Variants in MPRIP observed in about 807,000 individuals in gnomAD.
MPRIP encodes myosin phosphatase Rho interacting protein.
MPRIP carries 59 observed loss-of-function variants against 234.9 expected under a neutral mutation model. The ratio of observed to expected loss-of-function variants is 0.25; its 90% CI spans 0.20 to 0.31. The LOEUF (loss-of-function observed/expected upper bound fraction) is 0.31. Among genes scored for constraint, MPRIP ranks in the 10% least tolerant of loss-of-function variants. MPRIP has a pLI of 1.00. For synonymous variants in MPRIP, 1,144 were observed against 1,263.9 expected (o/e 0.91, Z 2.01); for missense variants, 2,436 against 3,071.0 (o/e 0.79, Z 4.89).
Position 17,190,020 on chromosome 17 carries a change from C to G in MPRIP, c.*5126C>G, listed in dbSNP as rs1039472410. The G allele has an allele frequency of 1.3e-5, 2 of 152,216 alleles. No individual in the cohort carries two copies. The highest frequency in any genetic ancestry group is 4.8e-5 in the African/African-American group (2 of 41,452). 9.4% of individuals were successfully genotyped at this position (152,216 alleles called of 1,614,324 possible). A position where few individuals can be genotyped will look rare whatever the true frequency, so the allele number is the denominator to read the frequency against. On this transcript the variant is annotated 3_prime_UTR_variant, in exon 24 of 24. Coordinates refer to ENST00000651222, the MANE Select transcript of MPRIP (RefSeq NM_001364716.4). ...GCACCTTTCACCTTCCTGGGCTTTC[C>G]TGCCCTCCAGCATTCTTCTCTAGAG...
rs368908966 is a variant in MPRIP, at chr17:17,135,823, T to G, written c.505-396T>G. On this transcript the variant is annotated intron_variant, in intron 5 of 23. Transcript: ENST00000651222. Reference sequence around the variant, plus strand: ...ATTTAATTTGCATCTGACGACTCTTTCCTTCACATAGCGTCTGGGCACTCC... The same window carrying G: ...ATTTAATTTGCATCTGACGACTCTTGCCTTCACATAGCGTCTGGGCACTCC... Among the ~76,000 whole-genome samples, 35 of 152,356 alleles carry G rather than the reference T, an allele frequency of 2.3e-4. No homozygotes were observed. The East Asian group carries it at 6.7e-3, about 29-fold the overall frequency.
chr17:17,083,785 C>A (rs146364798), intron 3 of MPRIP, among the ~76,000 whole-genome samples: 4,083 of 152,174 alleles, frequency 0.027, 108 homozygotes, highest in East Asian at 0.12. Context: ...CACTCTGTCG[C>A]CAGGCTGGAG....
chr17:17,184,833 A>G lies in MPRIP; in HGVS notation c.7217A>G (p.Glu2406Gly), dbSNP rs755597205. Residue 2406 changes from glutamate to glycine, a missense_variant, in exon 24 of 24, where the codon GAA becomes GGA. Glu to Gly is a moderately conservative substitution (Grantham distance 98). Coordinates refer to ENST00000651222, the MANE Select transcript of MPRIP (RefSeq NM_001364716.4). Reference protein sequence around the residue: ...LRNIRSKSLKEGLTVQERLKL... With the variant: ...LRNIRSKSLKGGLTVQERLKL... The stretch of plus-strand genomic sequence containing the variant: ...TCTGTCTCTACCCAGAGTCTGAAGG[A>G]AGGCCTGACGGTGCAAGAACGGTTG... 1.2e-6 allele frequency: 2 copies of G among 1,612,530 alleles called. No individual in the cohort carries two copies. Among genetic ancestry groups the G allele is most frequent in the South Asian group, 1.1e-5 (1 of 91,040 alleles).
chr17:17,072,903 T>C (rs567781620), intron 1 of MPRIP, among the ~76,000 whole-genome samples: 17 of 152,170 alleles, frequency 1.1e-4, no homozygotes, highest in Admixed American at 3.3e-4. Context: ...TATGGGGTCC[T>C]TACCTTCAGG....
intron 7 of MPRIP, among the ~76,000 whole-genome samples, chr17:17,140,694 G>A (rs531838495): frequency 1.3e-5 from 2 of 152,302 alleles, no homozygotes; most frequent in East Asian, 1.9e-4. Flanking sequence ...GAACCTGACC[G>A]GTTCTGGGCT....
rs770959759 is a variant in MPRIP at position 17,166,645 on chromosome 17, G to T, written c.5054G>T (p.Arg1685Leu). The change falls in exon 16 of 24, where the codon CGC (arginine) becomes CTC (leucine). Residue 1685 changes from arginine to leucine, a missense_variant. Transcript: ENST00000651222. This position sits in a 1 kb window ranked among gnomAD's most constrained non-coding sequence, Gnocchi z 4.4. ...CAGTCAGTGAGGGAGTCGTTCCACC[G>T]CAGGCTACAGAGCATCCAGGAGACC... ...ATQSVRESFH[R>L]RLQSIQETLR... The T allele has an allele frequency of 1.5e-6, 2 of 1,304,068 alleles. No homozygotes were observed. Among genetic ancestry groups the T allele is most frequent in the Non-Finnish European group, 2.0e-6 (2 of 988,942 alleles). 80.8% of individuals were successfully genotyped at this position (1,304,068 alleles called of 1,614,324 possible). A position where few individuals can be genotyped will look rare whatever the true frequency, so the allele number is the denominator to read the frequency against.
chr17:17,133,206 G>A (rs1436944960), intron 5 of MPRIP, among the ~76,000 whole-genome samples: 1 of 152,220 alleles, frequency 6.6e-6, no homozygotes, highest in Admixed American at 6.5e-5. Context: ...AGAGTCTGGA[G>A]CACAGGGTTC....
intron 5 of MPRIP, among the ~76,000 whole-genome samples, chr17:17,132,015 G>A (rs930439952): frequency 5.8e-4 from 89 of 152,326 alleles, no homozygotes; most frequent in Non-Finnish European, 4.6e-4. Context: ...AGCACGGGCA[G>A]CCTGCAGCCA....
At chr17:17,132,034 A>C (rs1457395978) in intron 5 of MPRIP, among the ~76,000 whole-genome samples, 3 of 152,176 alleles carry the variant, frequency 2.0e-5, no homozygotes, top group Non-Finnish European at 4.4e-5. Flanking sequence ...CACAGTCAAA[A>C]GGACTCTGCA....
At chr17:17,115,461 A>G (rs1398105601) in intron 3 of MPRIP, among the ~76,000 whole-genome samples, 1 of 152,170 alleles carries the variant, frequency 6.6e-6, no homozygotes, top group Non-Finnish European at 1.5e-5. Flanking sequence ...CTTTCTCGTG[A>G]TGGAGCCATG....
chr17:17,043,094 T>TGGGGAC (rs1240871302), intron 1 of MPRIP, 123 bp downstream of exon 1: 11 of 935,422 alleles, frequency 1.2e-5, no homozygotes, highest in African/African-American at 3.4e-5. Flanking sequence ...TCCTGGGGCA[T>TGGGGAC]GGGGACGGGG....
At chr17:17,156,340 G>A (rs1219301480) in intron 13 of MPRIP, among the ~76,000 whole-genome samples, 1 of 152,218 alleles carries the variant, frequency 6.6e-6, no homozygotes, top group East Asian at 1.9e-4. Flanking sequence ...CTGGCAGTTG[G>A]CCTCCTGACT....
At chr17:17,140,728 TC>T (rs1432875508) in intron 7 of MPRIP, among the ~76,000 whole-genome samples, 1 of 152,184 alleles carries the variant, frequency 6.6e-6, no homozygotes, top group Non-Finnish European at 1.5e-5. Context: ...TCCTCAGACT[TC>T]CAGAGTGTTT....
chr17:17,161,999 G>A (rs990465400), intron 15 of MPRIP, among the ~76,000 whole-genome samples: 9 of 152,236 alleles, frequency 5.9e-5, no homozygotes, highest in African/African-American at 1.4e-4. Context: ...TTCCTGCAGC[G>A]TGCCAGGCCT....
intron 22 of MPRIP, chr17:17,178,574 T>A (rs1356640676): frequency 6.6e-6 from 1 of 151,992 alleles, no homozygotes; most frequent in Non-Finnish European, 1.5e-5. Context: ...GATCACCAGG[T>A]TGCCTAAGGA....
chr17:17,143,534 C>T, intron 8 of MPRIP, 22 bp from the exon 9 acceptor site: 1 of 1,537,536 alleles, frequency 6.5e-7, no homozygotes, highest in Non-Finnish European at 8.9e-7. Flanking sequence ...CTGCACTGAC[C>T]AGCGGCTGCT....
intron 3 of MPRIP, among the ~76,000 whole-genome samples, chr17:17,111,162 A>C (rs376201429): frequency 0.042 from 6,123 of 146,244 alleles, 453 homozygotes; most frequent in African/African-American, 0.14. Context: ...AAAAACCAAA[A>C]AAAAAAGAAA....
At chr17:17,176,616 AT>A in intron 21 of MPRIP, 104 bp downstream of exon 21, 2 of 880,308 alleles carry the variant, frequency 2.3e-6, no homozygotes, top group Non-Finnish European at 3.7e-6. Flanking sequence ...TCTGAAGCAG[AT>A]TTTACTCTTG....
Position 17,165,583 on chromosome 17 carries a change from G to A in MPRIP, c.3992G>A (p.Arg1331Lys), listed in dbSNP as rs1411769876. 1 of 1,304,814 alleles carries A rather than the reference G, an allele frequency of 7.7e-7. No homozygotes were observed. Among genetic ancestry groups the A allele is most frequent in the African/African-American group, 1.5e-5 (1 of 66,000 alleles). 80.8% of individuals were successfully genotyped at this position (1,304,814 alleles called of 1,614,324 possible). Residue 1331 changes from arginine to lysine, a missense_variant, in exon 16 of 24, where the codon AGA (arginine) becomes AAA (lysine). Physicochemically the swap from Arg to Lys is conservative, Grantham distance 26. Around this residue, in one of 4 missense-constraint regions of MPRIP, gnomAD observed 1,998 missense variants for 2,520.3 expected, o/e 0.79. Transcript: ENST00000651222. ...RIRFSTIQCQRYIHPEGSEKT... is the reference protein window; with the variant it reads ...RIRFSTIQCQKYIHPEGSEKT... ...CGGTTCTCCACAATCCAGTGCCAAA[G>A]ATACATTCACCCCGAAGGGTCTGAG...
Sources: gnomAD v4.1 joint callset for allele counts (sites outside exome capture counted in the v4.1 genomes callset) on GRCh38, gnomAD v4.1.1 for gene constraint, gnomAD v4.1.1 regional missense constraint, Gnocchi (gnomAD v3.1) non-coding constraint, MANE v1.5 for transcripts, NCBI Gene and HGNC (gene_info 2026-07-23, HGNC 2026-07-21) for gene names.